Variants in GRIP1 observed in about 807,000 individuals in gnomAD.
GRIP1 encodes glutamate receptor interacting protein 1, also known as glutamate receptor-interacting protein 1.
In GRIP1, 45 loss-of-function variants were observed where a neutral mutation model predicts 129.9. The observed-to-expected ratio is 0.35, with a 90% CI of 0.27 to 0.44. The LOEUF is 0.44. GRIP1 is among the 20% of genes least tolerant of loss of function. The pLI, the probability that GRIP1 is intolerant of heterozygous loss-of-function variation, is 1.00. For missense variants in GRIP1, 1,196 were observed against 1,396.8 expected (o/e 0.86, Z 2.29); for synonymous variants, 530 against 520.8 (o/e 1.02, Z -0.24).
chr12:66,471,359 T>C (rs746739152), intron 7 of GRIP1, among the ~76,000 whole-genome samples: 18 of 152,110 alleles, frequency 1.2e-4, no homozygotes, highest in Non-Finnish European at 2.1e-4. Context: ...AAAGTAGAAG[T>C]ACAATTAGTA....
intron 1 of GRIP1, among the ~76,000 whole-genome samples, chr12:66,835,060 T>G (rs1257494990): frequency 4.0e-5 from 6 of 151,192 alleles, no homozygotes; most frequent in Non-Finnish European, 7.4e-5. Context: ...CTGGGAAAAA[T>G]ATTTGCAAAA....
At chr12:66,729,970 C>A (rs981776909) in intron 1 of GRIP1, among the ~76,000 whole-genome samples, 1 of 152,280 alleles carries the variant, frequency 6.6e-6, no homozygotes, top group Middle Eastern at 3.4e-3. Context: ...TGCATCATAG[C>A]GATAACTAGA....
chr12:66,995,046 A>G (rs548717390), intron 1 of GRIP1, among the ~76,000 whole-genome samples: 1 of 152,212 alleles, frequency 6.6e-6, no homozygotes, highest in East Asian at 1.9e-4. Context: ...CCTTACGTTT[A>G]TGATAAATTT....
intron 1 of GRIP1, among the ~76,000 whole-genome samples, chr12:66,801,709 A>C (rs1324632326): frequency 6.6e-6 from 1 of 152,104 alleles, no homozygotes; most frequent in Non-Finnish European, 1.5e-5. Context: ...TTCTTGTGGC[A>C]ATCTTCTCTA....
At chr12:66,917,942 G>A (rs2041152266) in intron 1 of GRIP1, among the ~76,000 whole-genome samples, 2 of 137,856 alleles carry the variant, frequency 1.5e-5, no homozygotes, top group African/African-American at 2.6e-5. Context: ...AATAAGAGAT[G>A]TATAAACACA....
At chr12:66,363,200 CATATATAT>C (rs35452357) in intron 23 of GRIP1, among the ~76,000 whole-genome samples, 5 of 88,254 alleles carry the variant, frequency 5.7e-5, no homozygotes, top group Middle Eastern at 5.8e-3. Context: ...TGTGTGTGTC[CATATATAT>C]ATATATATAT....
chr12:66,813,721 C>A (rs1262729869), intron 1 of GRIP1, among the ~76,000 whole-genome samples: 1 of 152,070 alleles, frequency 6.6e-6, no homozygotes, highest in Non-Finnish European at 1.5e-5. Context: ...AGGAAGGTGA[C>A]CACTGTGGAG....
chr12:66,987,710 A>ACCT (rs2042332731), intron 1 of GRIP1, among the ~76,000 whole-genome samples: 1 of 152,172 alleles, frequency 6.6e-6, no homozygotes, highest in Non-Finnish European at 1.5e-5. Flanking sequence ...TCATTAAGAG[A>ACCT]GTCATAAGGC....
At chr12:66,536,653 C>T (rs549373074) in intron 4 of GRIP1, among the ~76,000 whole-genome samples, 79 of 152,312 alleles carry the variant, frequency 5.2e-4, no homozygotes, top group African/African-American at 1.9e-3. Flanking sequence ...ACCCTGATCC[C>T]AGCACTCTCA....
intron 1 of GRIP1, among the ~76,000 whole-genome samples, chr12:66,767,454 G>T (rs2037676966): frequency 6.6e-6 from 1 of 151,894 alleles, no homozygotes; most frequent in Non-Finnish European, 1.5e-5. Flanking sequence ...TCAACTGAAA[G>T]GTCTGAGACA....
intron 4 of GRIP1, among the ~76,000 whole-genome samples, chr12:66,534,019 T>C (rs190331436): frequency 1.3e-5 from 2 of 152,284 alleles, no homozygotes; most frequent in African/African-American, 4.8e-5. Flanking sequence ...GTTCTCCTTA[T>C]GGACCTTCAG....
intron 1 of GRIP1, among the ~76,000 whole-genome samples, chr12:66,903,427 C>T (rs1354402964): frequency 6.6e-6 from 1 of 151,720 alleles, no homozygotes; most frequent in African/African-American, 2.4e-5. Context: ...GGTTATTAAC[C>T]AACACAGTAG....
chr12:66,712,134 A>G, intron 1 of GRIP1, among the ~76,000 whole-genome samples: 1 of 151,954 alleles, frequency 6.6e-6, no homozygotes, highest in Non-Finnish European at 1.5e-5. Flanking sequence ...AATGAAATGC[A>G]TTGTTTCCAA....
intron 1 of GRIP1, among the ~76,000 whole-genome samples, chr12:67,056,598 C>T (rs1368716466): frequency 3.3e-5 from 5 of 152,122 alleles, no homozygotes; most frequent in Non-Finnish European, 7.3e-5. Flanking sequence ...GTTAATCAGC[C>T]ACAAGCCTGC....
chr12:66,524,171 A>C (rs1366962443), intron 5 of GRIP1, among the ~76,000 whole-genome samples: 1 of 152,188 alleles, frequency 6.6e-6, no homozygotes, highest in African/African-American at 2.4e-5. Flanking sequence ...CTCTGCACCA[A>C]GTGGACCTAA....
intron 19 of GRIP1, among the ~76,000 whole-genome samples, chr12:66,381,771 T>C (rs2056120711): frequency 6.6e-6 from 1 of 152,192 alleles, no homozygotes; most frequent in South Asian, 2.1e-4. Flanking sequence ...GGCATGTGTA[T>C]CTCTAATAAG....
chr12:66,722,395 A>T (rs2036085165), intron 1 of GRIP1, among the ~76,000 whole-genome samples: 1 of 152,220 alleles, frequency 6.6e-6, no homozygotes, highest in South Asian at 2.1e-4. Flanking sequence ...CCAGTGGCAT[A>T]ATCAGAACAC....
At chr12:66,895,123 T>C (rs2040724323) in intron 1 of GRIP1, among the ~76,000 whole-genome samples, 1 of 152,224 alleles carries the variant, frequency 6.6e-6, no homozygotes, top group South Asian at 2.1e-4. Context: ...ATTCTTGGGA[T>C]AGGTCTGTGG....
chr12:66,514,568 A>G (rs538859529), intron 7 of GRIP1, among the ~76,000 whole-genome samples: 1 of 152,212 alleles, frequency 6.6e-6, no homozygotes, highest in Admixed American at 6.5e-5. Context: ...GAGAGAAGAA[A>G]GGAGAGAGGA....
Sources: allele counts gnomAD v4.1 joint callset (sites outside exome capture counted in the v4.1 genomes callset), GRCh38; gene constraint gnomAD v4.1.1; transcripts MANE v1.5; gene names NCBI Gene and HGNC (gene_info 2026-07-23, HGNC 2026-07-21).